Variants in GREB1L observed in about 807,000 individuals in gnomAD.
The protein encoded by GREB1L is GREB1-like protein.
In GREB1L, 17 loss-of-function variants were observed where a neutral mutation model predicts 200.8. The ratio of observed to expected loss-of-function variants is 0.08; its 90% CI spans 0.06 to 0.13. GREB1L has a LOEUF of 0.13. Among genes scored for constraint, GREB1L ranks in the 10% least tolerant of loss-of-function variants. The probability of loss-of-function intolerance (pLI) is 1.00; values close to 1 mark genes in which losing one functional copy is unlikely to be tolerated. For missense variants in GREB1L, 1,657 were observed against 2,367.7 expected, an observed-to-expected ratio of 0.70 and a Z score of 6.23; for synonymous variants, 789 against 893.0, an observed-to-expected ratio of 0.88 and a Z score of 2.08.
At chr18:21,370,625 A>G (rs796240343) in intron 2 of GREB1L, among the ~76,000 whole-genome samples, 2 of 152,238 alleles carry the variant, frequency 1.3e-5, no homozygotes, top group South Asian at 4.1e-4. Context: ...ACAGATGAAG[A>G]AACTGAGCTT....
chr18:21,300,832 G>A (rs907802954), intron 1 of GREB1L, among the ~76,000 whole-genome samples: 2 of 152,164 alleles, frequency 1.3e-5, no homozygotes, highest in African/African-American at 2.4e-5. Flanking sequence ...GTGGTGGGGG[G>A]AGGGAGGCTG....
chr18:21,494,034 C>T lies in GREB1L; in HGVS notation c.3031-1636C>T, dbSNP rs758343801. ...GAAACCCAGTGTCAGGGATACCATG[C>T]GTCCAGTGTGAATGTGATCAGTAAA... On this transcript the variant is annotated intron_variant, in intron 19 of 32. Transcript: ENST00000424526. 1.2e-4 allele frequency among the ~76,000 whole-genome samples: 19 copies of T among 152,158 alleles called. No homozygotes were observed. In the Middle Eastern group the frequency reaches 0.01, roughly 82 times the overall value.
chr18:21,352,241 TTACTA>T (rs1478903408), intron 1 of GREB1L, among the ~76,000 whole-genome samples: 2 of 152,194 alleles, frequency 1.3e-5, no homozygotes, highest in Non-Finnish European at 2.9e-5. Flanking sequence ...TTTGTAGTCT[TTACTA>T]TGCAAACATC....
intron 7 of GREB1L, among the ~76,000 whole-genome samples, chr18:21,406,528 ATTTC>A (rs2030257618): frequency 1.3e-5 from 2 of 152,326 alleles, no homozygotes; most frequent in South Asian, 2.1e-4. Context: ...CTTTTCAATA[ATTTC>A]TTTCTTCTGA....
intron 1 of GREB1L, among the ~76,000 whole-genome samples, chr18:21,252,113 C>T (rs1338683564): frequency 6.6e-6 from 1 of 152,062 alleles, no homozygotes; most frequent in African/African-American, 2.4e-5. Context: ...AATGCTTAGC[C>T]TTATTAGTTG....
At chr18:21,408,146 AGATG>A (rs1282823381) in intron 7 of GREB1L, among the ~76,000 whole-genome samples, 2 of 144,298 alleles carry the variant, frequency 1.4e-5, no homozygotes, top group Non-Finnish European at 3.2e-5. Flanking sequence ...AAAAAAAGAT[AGATG>A]TTTGAGGTGA....
At chr18:21,352,334 G>A (rs1194902258) in intron 1 of GREB1L, among the ~76,000 whole-genome samples, 3 of 151,888 alleles carry the variant, frequency 2.0e-5, no homozygotes, top group Non-Finnish European at 4.4e-5. Flanking sequence ...TCATGAAAAC[G>A]TCAATGTTTT....
intron 4 of GREB1L, among the ~76,000 whole-genome samples, chr18:21,386,219 G>A (rs780457344): frequency 1.6e-4 from 24 of 151,948 alleles, no homozygotes; most frequent in Non-Finnish European, 2.9e-4. Context: ...TTTTTTTCCC[G>A]TTTTAATTCA....
At chr18:21,387,147 C>G (rs1208113723) in intron 4 of GREB1L, among the ~76,000 whole-genome samples, 1 of 152,068 alleles carries the variant, frequency 6.6e-6, no homozygotes, top group Non-Finnish European at 1.5e-5. Flanking sequence ...AGTTGATTGT[C>G]CAGAGGGGTA....
chr18:21,312,770 T>C (rs1228229398), intron 1 of GREB1L, among the ~76,000 whole-genome samples: 1 of 152,152 alleles, frequency 6.6e-6, no homozygotes, highest in Non-Finnish European at 1.5e-5. Context: ...GCGAGGATGG[T>C]CTTGATCTCT....
intron 15 of GREB1L, among the ~76,000 whole-genome samples, chr18:21,458,375 G>A (rs1396308459): frequency 6.6e-6 from 1 of 152,204 alleles, no homozygotes; most frequent in African/African-American, 2.4e-5. Flanking sequence ...AGGGCTAGAA[G>A]GAGAAAGAGA....
chr18:21,511,942 G>GC (rs1176337481), intron 27 of GREB1L, among the ~76,000 whole-genome samples: 1 of 152,148 alleles, frequency 6.6e-6, no homozygotes, highest in Non-Finnish European at 1.5e-5. Context: ...ATCGTGCCCA[G>GC]CCCCCAACTG....
In GREB1L at chr18:21,524,516, G is replaced by T. The variant is rs1422527811; in HGVS notation, c.*1695G>T. On this transcript the variant is annotated 3_prime_UTR_variant, in exon 33 of 33. Coordinates refer to ENST00000424526, the MANE Select transcript of GREB1L (RefSeq NM_001142966.3). The stretch of plus-strand genomic sequence containing the variant: ...TTTTGAAGCAATTTGGTTTAAATAT[G>T]AATGTATTTCACTTGTTCCTGTTTT... 1 of 152,118 alleles carries T rather than the reference G, an allele frequency of 6.6e-6. No individual in the cohort carries two copies. The highest frequency in any genetic ancestry group is 1.5e-5 in the Non-Finnish European group (1 of 68,022). The allele number at this position is 152,118 out of a possible 1,614,324, so 9.4% of individuals were successfully genotyped here.
chr18:21,384,641 G>A (rs2040461504), intron 4 of GREB1L, among the ~76,000 whole-genome samples: 1 of 152,118 alleles, frequency 6.6e-6, no homozygotes. Context: ...CACAGTTGTT[G>A]ACTTCCCTGA....
At chr18:21,389,009 T>C (rs2040672900) in intron 4 of GREB1L, among the ~76,000 whole-genome samples, 1 of 151,770 alleles carries the variant, frequency 6.6e-6, no homozygotes, top group African/African-American at 2.4e-5. Context: ...GCTGAAGGAG[T>C]GTTATCCCCA....
At chr18:21,278,366 G>A (rs2038205116) in intron 1 of GREB1L, among the ~76,000 whole-genome samples, 1 of 137,576 alleles carries the variant, frequency 7.3e-6, no homozygotes, top group African/African-American at 2.7e-5. Flanking sequence ...GGCAACAAGA[G>A]CAAGACTCCA....
chr18:21,359,135 T>C (rs1281864027), intron 1 of GREB1L, among the ~76,000 whole-genome samples: 1 of 152,102 alleles, frequency 6.6e-6, no homozygotes, highest in Non-Finnish European at 1.5e-5. Flanking sequence ...ACAACTTGAG[T>C]ATCCAAATAT....
At chr18:21,404,473 C>T (rs1361536192) in intron 7 of GREB1L, among the ~76,000 whole-genome samples, 1 of 152,124 alleles carries the variant, frequency 6.6e-6, no homozygotes, top group Non-Finnish European at 1.5e-5. Flanking sequence ...TCTAGTGATA[C>T]AAGAGAGGGA....
intron 21 of GREB1L, among the ~76,000 whole-genome samples, chr18:21,498,909 G>A (rs1173950982): frequency 2.6e-5 from 4 of 152,244 alleles, no homozygotes; most frequent in African/African-American, 9.6e-5. Flanking sequence ...TGTCTGGGCA[G>A]CAACAAGCCG....
Sources: allele counts gnomAD v4.1 joint callset (sites outside exome capture counted in the v4.1 genomes callset), GRCh38; gene constraint gnomAD v4.1.1; transcripts MANE v1.5; gene names NCBI Gene and HGNC (gene_info 2026-07-23, HGNC 2026-07-21).